Variants in DPP10 observed in about 807,000 individuals in gnomAD.
The protein encoded by DPP10 is dipeptidyl peptidase like 10.
In DPP10, 33 loss-of-function variants were observed where a neutral mutation model predicts 120.9. The ratio of observed to expected loss-of-function variants is 0.27; its 90% confidence interval spans 0.21 to 0.37. The LOEUF (loss-of-function observed/expected upper bound fraction) is 0.37, where lower values mean the gene tolerates loss of function less well. Ranked by LOEUF, DPP10 falls within the 10% of genes least tolerant of loss-of-function variation. The pLI is 1.00. For missense variants in DPP10, 816 were observed against 942.8 expected (o/e 0.87, Z 1.76); for synonymous variants, 337 against 326.1 (o/e 1.03, Z -0.36).
intron 1 of DPP10, among the ~76,000 whole-genome samples, chr2:114,866,648 A>G (rs914561900): frequency 6.6e-6 from 1 of 152,244 alleles, no homozygotes; most frequent in Non-Finnish European, 1.5e-5. Flanking sequence ...GCCCAAGGTC[A>G]CACAACTAAT....
chr2:115,084,978 A>G (rs1708574383), intron 1 of DPP10, among the ~76,000 whole-genome samples: 2 of 152,180 alleles, frequency 1.3e-5, no homozygotes. Context: ...CTGTTTTTGC[A>G]CCACACTGAT....
intron 1 of DPP10, among the ~76,000 whole-genome samples, chr2:114,685,511 C>T (rs1029829503): frequency 3.3e-5 from 5 of 151,916 alleles, no homozygotes; most frequent in African/African-American, 4.8e-5. Context: ...GACAATTTTC[C>T]GGAACTCCAG....
intron 1 of DPP10, among the ~76,000 whole-genome samples, chr2:115,116,359 T>C (rs2049504525): frequency 6.6e-6 from 1 of 152,210 alleles, no homozygotes; most frequent in South Asian, 2.1e-4. Context: ...TATCTATCTT[T>C]ATATCTATAT....
At chr2:115,356,483 A>G (rs1408130666) in intron 3 of DPP10, among the ~76,000 whole-genome samples, 9 of 152,060 alleles carry the variant, frequency 5.9e-5, no homozygotes, top group African/African-American at 2.2e-4. Flanking sequence ...CTAAATGTAG[A>G]TTCATGTTGT....
chr2:114,491,323 A>G (rs1476146022), intron 1 of DPP10, among the ~76,000 whole-genome samples: 1 of 152,222 alleles, frequency 6.6e-6, no homozygotes, highest in Non-Finnish European at 1.5e-5. Context: ...GAATATTATT[A>G]ATGGATTTAT....
intron 5 of DPP10, among the ~76,000 whole-genome samples, chr2:115,529,474 T>C (rs1318878651): frequency 1.3e-5 from 2 of 151,732 alleles, no homozygotes; most frequent in East Asian, 3.9e-4. Context: ...TTTTTTTTTT[T>C]TTAATTCAGT....
rs543237862 is a variant in DPP10, at chr2:115,228,724, C to T, written c.61-80515C>T. On this transcript the variant is annotated intron_variant, in intron 1 of 25. Transcript: ENST00000410059. ...GACAGGATCTCATACTTTTATATGGCTGGATAGTATTCCATTGTGTATAAG... is the reference window on the plus strand; with the variant it reads ...GACAGGATCTCATACTTTTATATGGTTGGATAGTATTCCATTGTGTATAAG... Among the ~76,000 whole-genome samples, 112 of 152,134 alleles carry T rather than the reference C, an allele frequency of 7.4e-4. 1 individual carries two copies. The highest frequency in any genetic ancestry group is 1.4e-3 in the Non-Finnish European group (97 of 68,030).
chr2:115,766,237 T>C (rs1228700448), intron 12 of DPP10, among the ~76,000 whole-genome samples: 1 of 149,816 alleles, frequency 6.7e-6, no homozygotes, highest in Non-Finnish European at 1.5e-5. Flanking sequence ...TCATAATTGA[T>C]GAATAGATGA....
At chr2:115,648,980 C>T (rs1485437691) in intron 5 of DPP10, among the ~76,000 whole-genome samples, 1 of 152,116 alleles carries the variant, frequency 6.6e-6, no homozygotes, top group Non-Finnish European at 1.5e-5. Context: ...AGGACTGGCA[C>T]AGGTGAGTAC....
chr2:115,789,659 T>C (rs2149904182), intron 17 of DPP10, among the ~76,000 whole-genome samples: 1 of 152,200 alleles, frequency 6.6e-6, no homozygotes, highest in African/African-American at 2.4e-5. Flanking sequence ...AGTAAAACTG[T>C]GTTTATCTGC....
intron 3 of DPP10, among the ~76,000 whole-genome samples, chr2:115,401,713 T>G (rs184902811): frequency 2.2e-4 from 34 of 152,278 alleles, no homozygotes; most frequent in African/African-American, 7.9e-4. Flanking sequence ...AAGCTAATTT[T>G]AACACACATA....
rs766760589 is a variant in DPP10, at chr2:115,815,671, G to A, written c.1896-4G>A. On this transcript the variant is annotated splice_polypyrimidine_tract_variant and splice_region_variant and intron_variant, in intron 20 of 25. Coordinates refer to ENST00000410059, the MANE Select transcript of DPP10 (RefSeq NM_020868.6). ...ATAACTATTGTTTTTCGTTTTCATT[G>A]CAGATTTTTGCTGAAACTGCCTTAC... 6.3e-7 allele frequency: 1 copy of A among 1,597,004 alleles called. No homozygotes were observed. Among genetic ancestry groups the A allele is most frequent in the South Asian group, 1.1e-5 (1 of 88,336 alleles).
intron 5 of DPP10, among the ~76,000 whole-genome samples, chr2:115,590,175 A>C (rs188074812): frequency 1.3e-3 from 180 of 142,656 alleles, no homozygotes; most frequent in Non-Finnish European, 2.2e-3. Context: ...TATTATTATT[A>C]TTATTATTAT....
chr2:115,673,212 G>A (rs1307722553), intron 5 of DPP10, among the ~76,000 whole-genome samples: 1 of 152,010 alleles, frequency 6.6e-6, no homozygotes, highest in Non-Finnish European at 1.5e-5. Context: ...GATATCCTTT[G>A]TTATACTGTA....
At chr2:115,016,956 G>A (rs1702687478) in intron 1 of DPP10, among the ~76,000 whole-genome samples, 1 of 149,992 alleles carries the variant, frequency 6.7e-6, no homozygotes, top group Non-Finnish European at 1.5e-5. Context: ...CTATCGCAAG[G>A]ACAGAAAACC....
chr2:114,604,338 G>A (rs1692618784), intron 1 of DPP10, among the ~76,000 whole-genome samples: 1 of 152,054 alleles, frequency 6.6e-6, no homozygotes. Context: ...AGCAGTCTCA[G>A]GCCTTCTCAG....
Position 115,781,016 on chromosome 2 carries a change from T to C in DPP10, c.1483+21T>C, listed in dbSNP as rs141426328. ...TGAAGGTAAGATAATACATGAATTC[T>C]GATATAATATATTTTATTCATTGTA... is the stretch of plus-strand genomic sequence containing the variant. On this transcript the variant is annotated intron_variant, in intron 16 of 25. Transcript: ENST00000410059. 1.3e-5 allele frequency: 20 copies of C among 1,536,588 alleles called. 1 individual carries two copies. The South Asian group carries it at 2.4e-4, about 19-fold the overall frequency.
intron 1 of DPP10, among the ~76,000 whole-genome samples, chr2:114,687,936 A>G (rs956365822): frequency 1.3e-5 from 2 of 152,034 alleles, no homozygotes; most frequent in Non-Finnish European, 2.9e-5. Flanking sequence ...TCCAGGTAGA[A>G]CATTAGTTTT....
At chr2:114,901,894 G>T (rs550824746) in intron 1 of DPP10, among the ~76,000 whole-genome samples, 30 of 152,306 alleles carry the variant, frequency 2.0e-4, no homozygotes, top group Non-Finnish European at 4.0e-4. Context: ...CCAATAAGTG[G>T]TGTGGTCCAG....
Sources: allele counts gnomAD v4.1 joint callset (sites outside exome capture counted in the v4.1 genomes callset), GRCh38; gene constraint gnomAD v4.1.1; transcripts MANE v1.5; gene names NCBI Gene and HGNC (gene_info 2026-07-23, HGNC 2026-07-21).